The following PCDH11X variants were observed in gnomAD, a reference collection of about 807,000 sequenced individuals.
PCDH11X encodes the protein protocadherin 11 X-linked.
In PCDH11X, 18 loss-of-function variants were observed where a neutral mutation model predicts 53.3. The ratio of observed to expected loss-of-function variants is 0.34; its 90% confidence interval spans 0.23 to 0.50. PCDH11X has a LOEUF of 0.50. Ranked by LOEUF, PCDH11X falls within the 20% of genes least tolerant of loss-of-function variation. PCDH11X has a pLI of 0.98. For missense variants in PCDH11X, 570 were observed against 1,032.4 expected (o/e 0.55, Z 6.14); for synonymous variants, 279 against 393.3 (o/e 0.71, Z 3.44).
intron 6 of PCDH11X, among the ~76,000 whole-genome samples, chrX:91,935,660 A>G: frequency 9.1e-6 from 1 of 109,589 alleles, no homozygotes; most frequent in Non-Finnish European, 1.9e-5. Context: ...TGCCGAGGTT[A>G]AGGCGGCCCC....
chrX:92,127,014 A>G (rs1343498757), intron 6 of PCDH11X, among the ~76,000 whole-genome samples: 1 of 108,079 alleles, frequency 9.3e-6, no homozygotes, highest in Non-Finnish European at 1.9e-5. Context: ...TAATGAGCAT[A>G]TCTAGTGCAG....
chrX:92,019,377 T>C (rs1458355948), intron 6 of PCDH11X, among the ~76,000 whole-genome samples: 1 of 109,806 alleles, frequency 9.1e-6, no homozygotes, highest in Non-Finnish European at 1.9e-5. Flanking sequence ...GATAGACATC[T>C]ACAGAAAGTT....
intron 6 of PCDH11X, among the ~76,000 whole-genome samples, chrX:92,176,434 A>G (rs1195592114): frequency 8.9e-6 from 1 of 111,820 alleles, no homozygotes; most frequent in African/African-American, 3.3e-5. Context: ...AACACCTCCA[A>G]TGCATACATT....
intron 6 of PCDH11X, among the ~76,000 whole-genome samples, chrX:92,132,675 GTATATA>G (rs1375197121): frequency 2.0e-5 from 1 of 49,485 alleles, no homozygotes; most frequent in Non-Finnish European, 3.2e-5. Flanking sequence ...ATATGTATAT[GTATATA>G]TATATGTATA....
At chrX:92,388,379 A>G (rs1309428289) in intron 9 of PCDH11X, among the ~76,000 whole-genome samples, 1 of 108,019 alleles carries the variant, frequency 9.3e-6, no homozygotes, top group Non-Finnish European at 1.9e-5. Flanking sequence ...ACTCCAATGT[A>G]GGAGAGGGCA....
At chrX:92,257,064 C>A (rs1293832700) in intron 7 of PCDH11X, among the ~76,000 whole-genome samples, 1 of 111,766 alleles carries the variant, frequency 8.9e-6, no homozygotes, top group Non-Finnish European at 1.9e-5. Context: ...ATAGCAGCTT[C>A]TGCTTCTAGG....
chrX:92,407,003 C>G (rs2071536705), intron 9 of PCDH11X, among the ~76,000 whole-genome samples: 1 of 99,935 alleles, frequency 1.0e-5, no homozygotes, highest in South Asian at 5.3e-4. Flanking sequence ...AATCTGCTTC[C>G]TCTCTCTCCA....
Position 92,540,916 on chromosome X carries a change from C to A in PCDH11X, c.3367+72594C>A, listed in dbSNP as rs151130581. ...CTACTTCTGTGGCTGAGCTGGCATC[C>A]AAGATGCATAAGAAAGGCCTCTTTT... On this transcript the variant is annotated intron_variant, in intron 10 of 10. Coordinates refer to ENST00000682573, the MANE Select transcript of PCDH11X (RefSeq NM_032968.5). Among the ~76,000 whole-genome samples, 109 of 108,369 alleles carry A rather than the reference C, an allele frequency of 1.0e-3. No individual in the cohort carries two copies. The East Asian group carries it at 0.03, about 30-fold the overall frequency. 94.1% of individuals were successfully genotyped at this position (108,369 alleles called of 115,157 possible).
intron 6 of PCDH11X, among the ~76,000 whole-genome samples, chrX:92,139,189 G>T: frequency 9.6e-6 from 1 of 104,382 alleles, no homozygotes; most frequent in East Asian, 3.0e-4. Flanking sequence ...ATTATCTACA[G>T]ATACCATTTG....
chrX:92,223,276 T>G (rs914902124), intron 7 of PCDH11X, among the ~76,000 whole-genome samples: 2 of 112,381 alleles, frequency 1.8e-5, no homozygotes, highest in Middle Eastern at 4.2e-3. Context: ...TGTTTGCTTA[T>G]GTGCTTAGCC....
chrX:92,129,092 G>A (rs970728250), intron 6 of PCDH11X, among the ~76,000 whole-genome samples: 1 of 110,555 alleles, frequency 9.0e-6, no homozygotes, highest in African/African-American at 3.3e-5. Context: ...GTAGGGGAGG[G>A]GAAAAAAGTC....
intron 4 of PCDH11X, among the ~76,000 whole-genome samples, chrX:91,818,198 A>C (rs2147574580): frequency 9.0e-6 from 1 of 111,124 alleles, no homozygotes; most frequent in Non-Finnish European, 1.9e-5. Context: ...TAATTCTAAA[A>C]ACCAAAAAGT....
At chrX:92,310,743 G>T (rs1311372881) in intron 8 of PCDH11X, among the ~76,000 whole-genome samples, 1 of 111,458 alleles carries the variant, frequency 9.0e-6, no homozygotes, top group Non-Finnish European at 1.9e-5. Flanking sequence ...TGAGTGAAAA[G>T]CAAAAATGAT....
At chrX:92,382,474 C>G (rs2905657) in intron 8 of PCDH11X, among the ~76,000 whole-genome samples, 46,085 of 109,701 alleles carry the variant, frequency 0.42, 7,424 homozygotes, top group Non-Finnish European at 0.49. Flanking sequence ...GTCCAAAATG[C>G]CACTTGCATC....
In PCDH11X at chrX:92,623,041, A is replaced by G. The variant is rs1928627911; in HGVS notation, c.*4101A>G. 2.7e-5 allele frequency: 3 copies of G among 110,679 alleles called. No homozygotes were observed. In the Admixed American group the frequency reaches 2.9e-4, roughly 11 times the overall value. 9.1% of individuals were successfully genotyped at this position (110,679 alleles called of 1,213,427 possible). Reference sequence around the variant, plus strand: ...GAAGATTCCTCCTCTGTGATATCATACAGCATCTGAAAGTGAACAGTATCC... The same window carrying G: ...GAAGATTCCTCCTCTGTGATATCATGCAGCATCTGAAAGTGAACAGTATCC... On this transcript the variant is annotated 3_prime_UTR_variant, in exon 11 of 11. Transcript: ENST00000682573.
chrX:91,957,131 T>G (rs946233605), intron 6 of PCDH11X, among the ~76,000 whole-genome samples: 13 of 111,356 alleles, frequency 1.2e-4, no homozygotes, highest in Non-Finnish European at 2.3e-4. Flanking sequence ...CTCTCTAAAC[T>G]AGCTATTCTG....
At chrX:92,267,179 A>C (rs989173026) in intron 8 of PCDH11X, among the ~76,000 whole-genome samples, 2 of 111,702 alleles carry the variant, frequency 1.8e-5, no homozygotes, top group Non-Finnish European at 1.9e-5. Flanking sequence ...TAACCTGAAC[A>C]TTTCCATGTA....
chrX:92,030,640 G>A (rs1569317440), intron 6 of PCDH11X, among the ~76,000 whole-genome samples: 1 of 107,228 alleles, frequency 9.3e-6, no homozygotes, highest in Non-Finnish European at 1.9e-5. Flanking sequence ...CCCAACCCTC[G>A]AACTACTCTC....
intron 6 of PCDH11X, among the ~76,000 whole-genome samples, chrX:92,148,760 T>TTA (rs1172474643): frequency 0.093 from 9,941 of 106,328 alleles, 1,217 homozygotes; most frequent in African/African-American, 0.32. Context: ...ACTTATATGT[T>TTA]TATATATATA....
Sources: gnomAD v4.1 joint callset for allele counts (sites outside exome capture counted in the v4.1 genomes callset) on GRCh38, gnomAD v4.1.1 for gene constraint, MANE v1.5 for transcripts, NCBI Gene and HGNC (gene_info 2026-07-23, HGNC 2026-07-21) for gene names.